EMCN: variants seen among roughly 807,000 people sequenced by gnomAD.
EMCN encodes the protein MUC-14.
A neutral mutation model predicts 38.4 loss-of-function variants in EMCN; 37 were observed. The ratio of observed to expected loss-of-function variants is 0.96; its 90% CI spans 0.74 to 1.27. The LOEUF (loss-of-function observed/expected upper bound fraction) is 1.27. Ranked by LOEUF, EMCN falls within the 50% of genes most tolerant of loss-of-function variation. EMCN has a pLI of 0.00. For missense variants in EMCN, 318 were observed against 302.8 expected (o/e 1.05, Z -0.37); for synonymous variants, 95 against 100.8 (o/e 0.94, Z 0.35).
intron 10 of EMCN, among the ~76,000 whole-genome samples, chr4:100,413,694 A>C (rs949864503): frequency 1.2e-4 from 19 of 152,170 alleles, no homozygotes; most frequent in African/African-American, 4.1e-4. Flanking sequence ...CTTATCACCA[A>C]ATATTTTCCA....
intron 1 of EMCN, among the ~76,000 whole-genome samples, chr4:100,513,183 G>A (rs1729671583): frequency 6.6e-6 from 1 of 152,108 alleles, no homozygotes; most frequent in African/African-American, 2.4e-5. Context: ...ACTTTTAGGT[G>A]GGGATTATTA....
chr4:100,402,826 T>C (rs1726292107), intron 11 of EMCN, among the ~76,000 whole-genome samples: 1 of 151,876 alleles, frequency 6.6e-6, no homozygotes, highest in South Asian at 2.1e-4. Context: ...TTCTTTTTTC[T>C]TTTTTTTCCA....
intron 5 of EMCN, among the ~76,000 whole-genome samples, chr4:100,437,024 G>A (rs1017101221): frequency 3.3e-5 from 5 of 152,166 alleles, no homozygotes; most frequent in Middle Eastern, 3.4e-3. Flanking sequence ...CATACACTCT[G>A]GAACTTAAAA....
At chr4:100,411,575 A>C (rs1042111984) in intron 10 of EMCN, among the ~76,000 whole-genome samples, 1 of 152,028 alleles carries the variant, frequency 6.6e-6, no homozygotes, top group Non-Finnish European at 1.5e-5. Flanking sequence ...AACAACCCAC[A>C]CACATATCTA....
At chr4:100,426,807 G>T (rs1268906017) in intron 5 of EMCN, among the ~76,000 whole-genome samples, 1 of 152,026 alleles carries the variant, frequency 6.6e-6, no homozygotes, top group Non-Finnish European at 1.5e-5. Flanking sequence ...ACTTCATGTG[G>T]TCATGAGGTG....
chr4:100,459,862 T>C (rs1258769982), intron 4 of EMCN, among the ~76,000 whole-genome samples: 3 of 152,238 alleles, frequency 2.0e-5, no homozygotes, highest in Non-Finnish European at 4.4e-5. Flanking sequence ...ATATCTTGTC[T>C]ATTGTGAATA....
intron 11 of EMCN, among the ~76,000 whole-genome samples, chr4:100,402,022 T>C (rs538976689): frequency 1.8e-4 from 27 of 152,292 alleles, no homozygotes; most frequent in East Asian, 5.8e-4. Flanking sequence ...AAAAATTATT[T>C]CGAGAATTAT....
intron 2 of EMCN, among the ~76,000 whole-genome samples, chr4:100,478,227 A>G (rs1728711967): frequency 6.6e-6 from 1 of 152,124 alleles, no homozygotes; most frequent in Non-Finnish European, 1.5e-5. Flanking sequence ...TGAGGACCTG[A>G]GAGCCTGCCT....
rs111308040 is a variant in EMCN, at chr4:100,414,228, G to A, written c.751+1670C>T. On this transcript the variant is annotated intron_variant, in intron 10 of 11. Coordinates refer to ENST00000296420, the MANE Select transcript of EMCN (RefSeq NM_016242.4). ...TGACTGCAGAGGGTTTGGAGTATGT[G>A]TGATGCCTGCTTGCAAGCCACGGGC... 4.5e-3 allele frequency among the ~76,000 whole-genome samples: 690 copies of A among 152,114 alleles called. 7 individuals are homozygous for A. Among genetic ancestry groups the A allele is most frequent in the African/African-American group, 0.016 (658 of 41,500 alleles).
At chr4:100,451,316 T>G (rs1311111819) in intron 4 of EMCN, among the ~76,000 whole-genome samples, 1 of 151,848 alleles carries the variant, frequency 6.6e-6, no homozygotes, top group African/African-American at 2.4e-5. Flanking sequence ...GTGGGAAATA[T>G]CAGGGTAAAA....
intron 1 of EMCN, among the ~76,000 whole-genome samples, chr4:100,500,891 C>T (rs1224054827): frequency 1.3e-5 from 2 of 151,916 alleles, no homozygotes; most frequent in African/African-American, 2.4e-5. Context: ...TTACTTAAGT[C>T]AGCCAAATTT....
chr4:100,479,378 G>A (rs187222846), intron 2 of EMCN, among the ~76,000 whole-genome samples: 58 of 152,020 alleles, frequency 3.8e-4, no homozygotes, highest in Non-Finnish European at 7.5e-4. Flanking sequence ...TTTTTTAATG[G>A]AAGTATTCTA....
At chr4:100,464,346 C>T (rs357656) in intron 4 of EMCN, among the ~76,000 whole-genome samples, 124,178 of 151,918 alleles carry the variant, frequency 0.82, 52,154 homozygotes, top group South Asian at 0.96. Context: ...ATAAAAAATG[C>T]TTTATTTCTT....
intron 11 of EMCN, among the ~76,000 whole-genome samples, chr4:100,404,989 T>C (rs2110205828): frequency 6.6e-6 from 1 of 152,114 alleles, no homozygotes; most frequent in Middle Eastern, 3.4e-3. Flanking sequence ...GTGAATCAGA[T>C]TGCATTCTTG....
At chr4:100,447,126 ATTG>A (rs1727693781) in intron 5 of EMCN, among the ~76,000 whole-genome samples, 1 of 152,168 alleles carries the variant, frequency 6.6e-6, no homozygotes, top group Admixed American at 6.6e-5. Flanking sequence ...AGCATTTTAA[ATTG>A]TTAACTGTGG....
chr4:100,484,168 C>CT (rs1728881983), intron 1 of EMCN, among the ~76,000 whole-genome samples: 2 of 152,004 alleles, frequency 1.3e-5, no homozygotes, highest in Admixed American at 1.3e-4. Flanking sequence ...TAGATTTTTG[C>CT]TGAGGTCTTT....
At chr4:100,467,702 G>C in intron 3 of EMCN, among the ~76,000 whole-genome samples, 1 of 122,274 alleles carries the variant, frequency 8.2e-6, no homozygotes, top group African/African-American at 2.8e-5. Flanking sequence ...AAAAAAAAAA[G>C]ATATGAGAAT....
In EMCN at chr4:100,447,555, T is replaced by A; in HGVS notation, c.393A>T (p.Ser131=). ...SSKPKTETQS[S]IKTTEIPGSV... is the part of the protein sequence containing the mutation. ...TACCTGGTATTTCTGTTGTTTTAAT[T>A]GAACTCTGAGTTTCAGCTTTAGAAG... The change falls in exon 5 of 12, where the codon TCA becomes TCT. Residue 131 remains serine, a synonymous_variant. Coordinates refer to ENST00000296420, the MANE Select transcript of EMCN (RefSeq NM_016242.4). The A allele has an allele frequency of 1.2e-6, 2 of 1,603,076 alleles. No individual in the cohort carries two copies. The highest frequency in any genetic ancestry group is 1.7e-6 in the Non-Finnish European group (2 of 1,171,252).
At chr4:100,416,650 AT>A (rs764947526) in intron 9 of EMCN, among the ~76,000 whole-genome samples, 4 of 152,172 alleles carry the variant, frequency 2.6e-5, no homozygotes, top group Non-Finnish European at 4.4e-5. Flanking sequence ...ATGAAAATCA[AT>A]TCATCATGTC....
Sources: gnomAD v4.1 joint callset for allele counts (sites outside exome capture counted in the v4.1 genomes callset) on GRCh38, gnomAD v4.1.1 for gene constraint, MANE v1.5 for transcripts, NCBI Gene and HGNC (gene_info 2026-07-23, HGNC 2026-07-21) for gene names.